Variants in EML4 observed in about 807,000 individuals in gnomAD.
EML4 encodes EMAP like 4, also known as echinoderm microtubule-associated protein-like 4.
A neutral mutation model predicts 129.0 loss-of-function variants in EML4; 72 were observed. The observed-to-expected ratio is 0.56, with a 90% confidence interval of 0.46 to 0.68. EML4 has a LOEUF of 0.68. Ranked by LOEUF, EML4 falls within the 30% of genes least tolerant of loss-of-function variation. EML4 has a pLI of 0.00. For synonymous variants in EML4, 532 were observed against 405.0 expected, an observed-to-expected ratio of 1.31 and a Z score of -3.77; for missense variants, 1,363 against 1,190.6, an observed-to-expected ratio of 1.14 and a Z score of -2.13.
rs146466390 is a variant in EML4 at position 42,304,543 on chromosome 2, C to T, written c.1959C>T (p.His653=). Residue 653 remains histidine (H), a synonymous_variant, in exon 17 of 23, where the codon CAC becomes CAT. Coordinates refer to ENST00000318522, the MANE Select transcript of EML4 (RefSeq NM_019063.5). ...PSGTVVAIGT[H]SGRWFVLDAE... is the part of the protein sequence containing the mutation. Reference sequence around the variant, plus strand: ...GCACAGTGGTGGCCATAGGAACGCACTCAGGCAGGTAGGGTCTTTAAGTGA... The same window carrying T: ...GCACAGTGGTGGCCATAGGAACGCATTCAGGCAGGTAGGGTCTTTAAGTGA... The T allele has an allele frequency of 2.2e-5, 35 of 1,613,550 alleles. No homozygotes were observed. The highest frequency in any genetic ancestry group is 2.8e-5 in the Non-Finnish European group (33 of 1,179,462).
intron 1 of EML4, among the ~76,000 whole-genome samples, chr2:42,243,111 A>G (rs1675149091): frequency 6.6e-6 from 1 of 152,154 alleles, no homozygotes; most frequent in Non-Finnish European, 1.5e-5. Context: ...TACAACTGAA[A>G]AGGTCATTTT....
At chr2:42,263,628 C>T (rs1380345861) in intron 5 of EML4, among the ~76,000 whole-genome samples, 2 of 151,808 alleles carry the variant, frequency 1.3e-5, no homozygotes. Flanking sequence ...TGGTCTCGAT[C>T]TCTTGACCTC....
At chr2:42,189,234 C>A (rs113449737) in intron 1 of EML4, among the ~76,000 whole-genome samples, 1 of 152,126 alleles carries the variant, frequency 6.6e-6, no homozygotes, top group Non-Finnish European at 1.5e-5. Flanking sequence ...AAATTATATT[C>A]ATGAAGTGCC....
chr2:42,239,891 G>C (rs1405285545), intron 1 of EML4, among the ~76,000 whole-genome samples: 1 of 152,028 alleles, frequency 6.6e-6, no homozygotes, highest in Admixed American at 6.6e-5. Flanking sequence ...TTGTGAATGA[G>C]AATGGGGGCA....
intron 5 of EML4, 91 bp downstream of exon 5, chr2:42,263,397 T>G (rs1021167839): frequency 3.1e-4 from 104 of 339,756 alleles, no homozygotes; most frequent in South Asian, 5.3e-4. Flanking sequence ...CTGGTTTGAA[T>G]CTTTTTTTTT....
At chr2:42,222,144 C>T (rs1030299613) in intron 1 of EML4, among the ~76,000 whole-genome samples, 1 of 151,980 alleles carries the variant, frequency 6.6e-6, no homozygotes, top group Non-Finnish European at 1.5e-5. Context: ...AATTTCTCAG[C>T]CCTATTAATA....
chr2:42,308,905 T>G (rs547459524), intron 17 of EML4, among the ~76,000 whole-genome samples: 1 of 152,346 alleles, frequency 6.6e-6, no homozygotes, highest in South Asian at 2.1e-4. Context: ...GTTAAGTACT[T>G]CATATATAGC....
chr2:42,234,706 G>C lies in EML4; in HGVS notation c.26-10799G>C, dbSNP rs116478199. On this transcript the variant is annotated intron_variant, in intron 1 of 22. Coordinates refer to ENST00000318522, the MANE Select transcript of EML4 (RefSeq NM_019063.5). ...GGACAGGGTGGGTTTTGCTCAGCTTGTTCTTGTTCTCTGTGAAAAAAGATG... is the reference window on the plus strand; with the variant it reads ...GGACAGGGTGGGTTTTGCTCAGCTTCTTCTTGTTCTCTGTGAAAAAAGATG... Among the ~76,000 whole-genome samples, 11 of 152,278 alleles carry C rather than the reference G, an allele frequency of 7.2e-5. No individual in the cohort carries two copies. In the East Asian group the frequency reaches 1.9e-3, roughly 27 times the overall value.
chr2:42,222,509 GT>G (rs1673672327), intron 1 of EML4, among the ~76,000 whole-genome samples: 2 of 152,222 alleles, frequency 1.3e-5, no homozygotes, highest in Admixed American at 1.3e-4. Context: ...AGTTGCTTTT[GT>G]GCTGCCACAG....
At chr2:42,197,494 A>G (rs1414191284) in intron 1 of EML4, among the ~76,000 whole-genome samples, 1 of 152,180 alleles carries the variant, frequency 6.6e-6, no homozygotes, top group Non-Finnish European at 1.5e-5. Context: ...GCAAAGATAT[A>G]TTTAAGACAC....
At position 42,299,606 on chromosome 2, in the gene EML4, T is replaced by C. The variant is rs571710146; in HGVS notation, c.1490-1635T>C. Among the ~76,000 whole-genome samples the C allele has an allele frequency of 5.3e-5, 8 of 152,362 alleles. No individual in the cohort carries two copies. In the East Asian group the frequency reaches 1.5e-3, roughly 29 times the overall value. ...CTTTAGGTCTCTATAGATTTACTTG[T>C]TGATGACATTTCATATAAATGGAGT... On this transcript the variant is annotated intron_variant, in intron 13 of 22. Coordinates refer to ENST00000318522, the MANE Select transcript of EML4 (RefSeq NM_019063.5).
intron 13 of EML4, among the ~76,000 whole-genome samples, chr2:42,297,961 T>G (rs963975191): frequency 6.6e-6 from 1 of 152,198 alleles, no homozygotes; most frequent in Non-Finnish European, 1.5e-5. Context: ...AAGTAATTAG[T>G]GTTTTCTGTT....
rs928831413 is a variant in EML4, at chr2:42,256,357, G to A, written c.209-144G>A. 7 of 681,648 alleles carry A rather than the reference G, an allele frequency of 1.0e-5. No individual in the cohort carries two copies. The African/African-American group carries it at 1.3e-4, about 12-fold the overall frequency. The allele number at this position is 681,648 out of a possible 1,614,324, so 42.2% of individuals were successfully genotyped here. The stretch of plus-strand genomic sequence containing the variant: ...GTATCATGTGCTGCATACCATGGGG[G>A]CATTCTGCTCAAGAGTTATAAACAA... On this transcript the variant is annotated intron_variant, in intron 2 of 22. Coordinates refer to ENST00000318522, the MANE Select transcript of EML4 (RefSeq NM_019063.5).
chr2:42,199,654 G>T (rs970304276), intron 1 of EML4, among the ~76,000 whole-genome samples: 1 of 152,122 alleles, frequency 6.6e-6, no homozygotes, highest in African/African-American at 2.4e-5. Context: ...AGAGGCAAAA[G>T]GTAGACTGAG....
chr2:42,189,494 T>C (rs1671457176), intron 1 of EML4, among the ~76,000 whole-genome samples: 1 of 152,218 alleles, frequency 6.6e-6, no homozygotes, highest in Non-Finnish European at 1.5e-5. Flanking sequence ...ACGAGAGGAT[T>C]GCATGAGACC....
chr2:42,303,474 C>T, intron 16 of EML4, 28 bp downstream of exon 16: 1 of 1,606,250 alleles, frequency 6.2e-7, no homozygotes, highest in Non-Finnish European at 8.5e-7. Context: ...TGATTATTAA[C>T]CTCCCCACAG....
intron 10 of EML4, 76 bp from the exon 11 acceptor site, chr2:42,288,151 A>G: frequency 3.2e-6 from 2 of 631,580 alleles, no homozygotes; most frequent in Non-Finnish European, 5.5e-6. Context: ...TGCAGTTTTA[A>G]TAAGATGGTA....
chr2:42,261,587 C>G (rs1381590706), intron 4 of EML4: 3 of 232,142 alleles, frequency 1.3e-5, no homozygotes, highest in Non-Finnish European at 1.7e-5. Context: ...ATTTTCTTAA[C>G]CACATTTTTG....
intron 11 of EML4, among the ~76,000 whole-genome samples, chr2:42,290,465 G>A (rs991501600): frequency 4.6e-5 from 7 of 151,802 alleles, no homozygotes; most frequent in East Asian, 1.9e-4. Context: ...TGTGGCTCAC[G>A]CCTATAATCC....
Sources: gnomAD v4.1 joint callset for allele counts (sites outside exome capture counted in the v4.1 genomes callset) on GRCh38, gnomAD v4.1.1 for gene constraint, MANE v1.5 for transcripts, NCBI Gene and HGNC (gene_info 2026-07-23, HGNC 2026-07-21) for gene names.